GPC5: variants seen among roughly 807,000 people sequenced by gnomAD.
GPC5 encodes the protein glypican 5, also known as glypican-5.
Under a neutral mutation model 53.9 loss-of-function variants are expected in GPC5, and 47 were observed. The ratio of observed to expected loss-of-function variants is 0.87; its 90% CI spans 0.69 to 1.11. The LOEUF (loss-of-function observed/expected upper bound fraction) is 1.11, where lower values mean the gene tolerates loss of function less well. Among genes scored for constraint, GPC5 ranks in the 50% most tolerant of loss-of-function variants. The pLI is 0.00. For missense variants in GPC5, 748 were observed against 713.1 expected, an observed-to-expected ratio of 1.05 and a Z score of -0.56; for synonymous variants, 286 against 263.3, an observed-to-expected ratio of 1.09 and a Z score of -0.84.
At chr13:92,205,280 A>G (rs991694747) in intron 7 of GPC5, among the ~76,000 whole-genome samples, 1 of 152,062 alleles carries the variant, frequency 6.6e-6, no homozygotes, top group Non-Finnish European at 1.5e-5. Flanking sequence ...GGAGACCTAG[A>G]GTTTTTATTA....
intron 6 of GPC5, among the ~76,000 whole-genome samples, chr13:92,073,474 T>C (rs941750890): frequency 1.3e-5 from 2 of 152,224 alleles, no homozygotes; most frequent in Non-Finnish European, 2.9e-5. Flanking sequence ...TAGGGCCTTC[T>C]GTGTCTTTAA....
intron 7 of GPC5, among the ~76,000 whole-genome samples, chr13:92,669,991 A>T (rs1293701319): frequency 1.3e-5 from 2 of 152,172 alleles, no homozygotes; most frequent in Non-Finnish European, 2.9e-5. Flanking sequence ...TGTTTAAATA[A>T]TTTTTAATAT....
At chr13:92,601,088 G>A (rs1480152595) in intron 7 of GPC5, among the ~76,000 whole-genome samples, 1 of 152,146 alleles carries the variant, frequency 6.6e-6, no homozygotes, top group Non-Finnish European at 1.5e-5. Flanking sequence ...TTATAAGGTA[G>A]AGACTCAATG....
intron 7 of GPC5, among the ~76,000 whole-genome samples, chr13:92,654,951 G>A (rs749257728): frequency 1.3e-5 from 2 of 152,156 alleles, no homozygotes; most frequent in Admixed American, 1.3e-4. Context: ...ACAGACACAG[G>A]CACATGGAGG....
chr13:91,763,933 T>G (rs1411267184), intron 5 of GPC5, among the ~76,000 whole-genome samples: 2 of 152,238 alleles, frequency 1.3e-5, no homozygotes, highest in African/African-American at 2.4e-5. Flanking sequence ...TCCTGTTTAC[T>G]TTAAATCATC....
At chr13:92,501,523 A>T (rs1880183185) in intron 7 of GPC5, among the ~76,000 whole-genome samples, 1 of 152,150 alleles carries the variant, frequency 6.6e-6, no homozygotes. Context: ...ACCAGAAAAA[A>T]ATATTTAAGA....
At chr13:92,364,127 C>T (rs1297180743) in intron 7 of GPC5, among the ~76,000 whole-genome samples, 1 of 151,604 alleles carries the variant, frequency 6.6e-6, no homozygotes, top group Non-Finnish European at 1.5e-5. Context: ...ATTATGAATA[C>T]TGTGGAATTC....
intron 7 of GPC5, among the ~76,000 whole-genome samples, chr13:92,399,525 C>T (rs565583372): frequency 2.0e-5 from 3 of 152,240 alleles, no homozygotes; most frequent in African/African-American, 4.8e-5. Flanking sequence ...CCACCTCACG[C>T]CTTAACACAC....
chr13:92,445,230 G>T (rs545060570), intron 7 of GPC5, among the ~76,000 whole-genome samples: 2 of 143,274 alleles, frequency 1.4e-5, no homozygotes, highest in South Asian at 2.3e-4. Context: ...CTCAAGAGAT[G>T]TATAGGTTCC....
intron 2 of GPC5, among the ~76,000 whole-genome samples, chr13:91,552,573 C>T (rs1047059298): frequency 4.6e-5 from 7 of 152,064 alleles, no homozygotes; most frequent in Non-Finnish European, 1.0e-4. Flanking sequence ...TTAAAAGTAT[C>T]CCTTATGTGA....
intron 7 of GPC5, among the ~76,000 whole-genome samples, chr13:92,519,640 G>A (rs2138965960): frequency 6.6e-6 from 1 of 152,254 alleles, no homozygotes; most frequent in Admixed American, 6.5e-5. Context: ...TGTGTAGAGG[G>A]AAATTTATAG....
chr13:92,775,811 C>G (rs1033916855), intron 7 of GPC5, among the ~76,000 whole-genome samples: 2 of 152,190 alleles, frequency 1.3e-5, no homozygotes, highest in Non-Finnish European at 2.9e-5. Context: ...TCATTGACAA[C>G]GGTCTTAAAT....
At chr13:91,414,348 T>G (rs1878028052) in intron 1 of GPC5, among the ~76,000 whole-genome samples, 3 of 152,254 alleles carry the variant, frequency 2.0e-5, no homozygotes, top group Non-Finnish European at 4.4e-5. Flanking sequence ...CCTTCCGCAA[T>G]GATTGCAAGT....
chr13:91,737,561 A>G (rs1237720662), intron 4 of GPC5, among the ~76,000 whole-genome samples: 1 of 151,498 alleles, frequency 6.6e-6, no homozygotes, highest in Non-Finnish European at 1.5e-5. Context: ...AAATGAAAAT[A>G]AACACTATTC....
chr13:92,602,914 T>C (rs1419912368), intron 7 of GPC5, among the ~76,000 whole-genome samples: 1 of 152,126 alleles, frequency 6.6e-6, no homozygotes, highest in Non-Finnish European at 1.5e-5. Context: ...AGGTGTAGTC[T>C]GAAGGACATA....
intron 2 of GPC5, among the ~76,000 whole-genome samples, chr13:91,675,564 A>G (rs1443977314): frequency 6.6e-6 from 1 of 152,216 alleles, no homozygotes; most frequent in Non-Finnish European, 1.5e-5. Flanking sequence ...AACTAATTAT[A>G]AAATACTGCA....
Position 92,290,819 on chromosome 13 carries a change from C to T in GPC5, c.1561+145830C>T, listed in dbSNP as rs190154587. Among the ~76,000 whole-genome samples the T allele has an allele frequency of 3.2e-3, 484 of 152,336 alleles. 4 individuals are homozygous for T. Among genetic ancestry groups the T allele is most frequent in the African/African-American group, 0.011 (472 of 41,572 alleles). ...AGGAGCCCTTCAGCCCGCTGCTGCACTGTGAGAGCCCCTTTTTGGGTTGGC... is the reference window on the plus strand; with the variant it reads ...AGGAGCCCTTCAGCCCGCTGCTGCATTGTGAGAGCCCCTTTTTGGGTTGGC... On this transcript the variant is annotated intron_variant, in intron 7 of 7. Transcript: ENST00000377067.
At chr13:92,370,938 C>T (rs969637608) in intron 7 of GPC5, among the ~76,000 whole-genome samples, 28 of 152,164 alleles carry the variant, frequency 1.8e-4, no homozygotes, top group African/African-American at 6.5e-4. Context: ...CACCTGAGGT[C>T]AGGAGTTCGA....
intron 7 of GPC5, among the ~76,000 whole-genome samples, chr13:92,295,342 G>T (rs922258392): frequency 2.0e-5 from 3 of 152,122 alleles, no homozygotes; most frequent in African/African-American, 7.2e-5. Context: ...GTTTCTTTTG[G>T]AGTTGATTTC....
Sources: allele counts gnomAD v4.1 joint callset (sites outside exome capture counted in the v4.1 genomes callset), GRCh38; gene constraint gnomAD v4.1.1; transcripts MANE v1.5; gene names NCBI Gene and HGNC (gene_info 2026-07-23, HGNC 2026-07-21).